GPHN: variants seen among roughly 807,000 people sequenced by gnomAD.
GPHN encodes gephyrin.
A neutral mutation model predicts 95.5 loss-of-function variants in GPHN; 17 were observed. That is an observed-to-expected ratio of 0.18 (90% CI 0.12 to 0.27). GPHN has a LOEUF of 0.27. GPHN is among the 10% of genes least tolerant of loss of function. The pLI is 1.00. For missense variants in GPHN, 660 were observed against 978.1 expected (o/e 0.67, Z 4.34); for synonymous variants, 320 against 322.5 (o/e 0.99, Z 0.08).
At chr14:66,913,311 C>T (rs1301945926) in intron 5 of GPHN, among the ~76,000 whole-genome samples, 2 of 151,900 alleles carry the variant, frequency 1.3e-5, no homozygotes, top group Non-Finnish European at 2.9e-5. Context: ...TTTTTCCCCT[C>T]CTCCTAAACT....
chr14:67,144,047 G>A (rs2080666380), intron 18 of GPHN, among the ~76,000 whole-genome samples: 1 of 150,614 alleles, frequency 6.6e-6, no homozygotes, highest in Non-Finnish European at 1.5e-5. Flanking sequence ...GACCACCTGG[G>A]CGACGTGGTG....
intron 3 of GPHN, among the ~76,000 whole-genome samples, chr14:66,811,125 C>T (rs1220459608): frequency 6.6e-6 from 1 of 152,056 alleles, no homozygotes; most frequent in African/African-American, 2.4e-5. Context: ...AAACAATAAA[C>T]CCTGGGGATT....
chr14:66,693,760 C>A (rs2067940014), intron 2 of GPHN, among the ~76,000 whole-genome samples: 1 of 152,142 alleles, frequency 6.6e-6, no homozygotes, highest in Non-Finnish European at 1.5e-5. Context: ...TCTGTATAAT[C>A]CTTCAACCAG....
the GPHN span, among the ~76,000 whole-genome samples, chr14:67,675,629 A>G: frequency 6.6e-6 from 1 of 152,278 alleles, no homozygotes; most frequent in South Asian, 2.1e-4. Context: ...GTGTTTGTCA[A>G]GCGTAGGCAT....
chr14:66,772,473 C>T (rs560576321), intron 2 of GPHN, among the ~76,000 whole-genome samples: 9 of 152,260 alleles, frequency 5.9e-5, no homozygotes, highest in African/African-American at 1.7e-4. Context: ...GAGGTTATCC[C>T]GCATTATTTG....
At chr14:67,466,541 T>A in the GPHN span, among the ~76,000 whole-genome samples, 1 of 152,226 alleles carries the variant, frequency 6.6e-6, no homozygotes, top group African/African-American at 2.4e-5. Flanking sequence ...TGGGAACTGG[T>A]GTTCTGGAAC....
At chr14:66,701,695 C>A (rs2068569272) in intron 2 of GPHN, among the ~76,000 whole-genome samples, 1 of 152,200 alleles carries the variant, frequency 6.6e-6, no homozygotes, top group African/African-American at 2.4e-5. Context: ...CCTACGCTAC[C>A]AGGGCCTAAC....
At chr14:67,114,490 A>C (rs1355121220) in intron 16 of GPHN, among the ~76,000 whole-genome samples, 1 of 152,150 alleles carries the variant, frequency 6.6e-6, no homozygotes, top group African/African-American at 2.4e-5. Context: ...TAGGAGTTCA[A>C]AACCAGCCTG....
At chr14:66,963,188 A>G (rs1012786389) in intron 8 of GPHN, among the ~76,000 whole-genome samples, 1 of 152,028 alleles carries the variant, frequency 6.6e-6, no homozygotes, top group Non-Finnish European at 1.5e-5. Flanking sequence ...TTCCAGACTC[A>G]TATACCTCAT....
At chr14:67,476,793 C>G in the GPHN span, among the ~76,000 whole-genome samples, 1 of 152,104 alleles carries the variant, frequency 6.6e-6, no homozygotes, top group Non-Finnish European at 1.5e-5. Context: ...CTGCCCATCT[C>G]TTAGACATAC....
At position 66,508,488 on chromosome 14, in the gene GPHN, T is replaced by G. The variant is rs2057881189; in HGVS notation, c.-40T>G. 2 of 1,604,036 alleles carry G rather than the reference T, an allele frequency of 1.2e-6. No homozygotes were observed. The highest frequency in any genetic ancestry group is 3.3e-5 in the Admixed American group (2 of 60,016). ...GGCCCGCGCGCTCCGGGCTCCGGTTTCTCCCGGCTCCTGTCAGTGCGGTGA... is the reference window on the plus strand; with the variant it reads ...GGCCCGCGCGCTCCGGGCTCCGGTTGCTCCCGGCTCCTGTCAGTGCGGTGA... On this transcript the variant is annotated 5_prime_UTR_variant, in exon 1 of 23. Transcript: ENST00000478722.
chr14:67,303,597 G>A, the GPHN span: 2 of 1,610,406 alleles, frequency 1.2e-6, no homozygotes, highest in Non-Finnish European at 1.7e-6. Flanking sequence ...CAAGGAAACA[G>A]TAGTAAGTGA....
At chr14:67,721,572 A>G in the GPHN span, among the ~76,000 whole-genome samples, 46 of 152,154 alleles carry the variant, frequency 3.0e-4, no homozygotes, top group African/African-American at 9.4e-4. Flanking sequence ...ACCCACGTTC[A>G]TCATCTCTCC....
chr14:66,538,991 T>C (rs2059246829), intron 1 of GPHN, among the ~76,000 whole-genome samples: 1 of 152,166 alleles, frequency 6.6e-6, no homozygotes, highest in African/African-American at 2.4e-5. Context: ...TCAGTCTGCA[T>C]TGCAGTTTTA....
At chr14:67,221,673 C>T in the GPHN span, 190 of 1,525,520 alleles carry the variant, frequency 1.2e-4, 1 homozygote, top group Non-Finnish European at 1.5e-4. Context: ...CATTACTACC[C>T]ACAGAGCATT....
At chr14:67,639,231 A>T in the GPHN span, among the ~76,000 whole-genome samples, 1 of 152,134 alleles carries the variant, frequency 6.6e-6, no homozygotes, top group East Asian at 1.9e-4. Context: ...TGTCACGTTT[A>T]TCTGAGTCTA....
chr14:67,006,035 A>T lies in GPHN; in HGVS notation c.964-17598A>T, dbSNP rs142930428. Among the ~76,000 whole-genome samples, 763 of 150,118 alleles carry T rather than the reference A, an allele frequency of 5.1e-3. 24 individuals carry two copies. The highest frequency in any genetic ancestry group is 0.044 in the Admixed American group (665 of 15,046). On this transcript the variant is annotated intron_variant, in intron 9 of 22. Coordinates refer to ENST00000478722, the MANE Select transcript of GPHN (RefSeq NM_020806.5). The stretch of plus-strand genomic sequence containing the variant: ...AAAAGAGAAGAGAAGGAAGGAGAAA[A>T]TAAAAGGAAGGGAGGCAATTACCAT...
chr14:67,646,579 C>T, the GPHN span: 4 of 1,338,526 alleles, frequency 3.0e-6, no homozygotes, highest in African/African-American at 1.4e-5. Flanking sequence ...CACGGACGCA[C>T]ATGATAATGA....
Position 66,805,857 on chromosome 14 carries a change from C to T in GPHN, c.202-18617C>T, listed in dbSNP as rs193113888. Among the ~76,000 whole-genome samples, 945 of 152,204 alleles carry T rather than the reference C, an allele frequency of 6.2e-3. 12 individuals are homozygous for T. Among genetic ancestry groups the T allele is most frequent in the African/African-American group, 0.022 (899 of 41,542 alleles). On this transcript the variant is annotated intron_variant, in intron 3 of 22. Transcript: ENST00000478722. Reference sequence around the variant, plus strand: ...AGTGTCTGTGGCTTTTTCAGGCACACGGTACCAGATTTCATTGGATCTATC... The same window carrying T: ...AGTGTCTGTGGCTTTTTCAGGCACATGGTACCAGATTTCATTGGATCTATC...
Sources: gnomAD v4.1 joint callset for allele counts (sites outside exome capture counted in the v4.1 genomes callset) on GRCh38, gnomAD v4.1.1 for gene constraint, MANE v1.5 for transcripts, NCBI Gene and HGNC (gene_info 2026-07-23, HGNC 2026-07-21) for gene names.